POLQ: variants seen among roughly 807,000 people sequenced by gnomAD.
The protein encoded by POLQ is epididymis secretory sperm binding protein.
POLQ carries 233 observed loss-of-function variants against 259.2 expected under a neutral mutation model. The ratio of observed to expected loss-of-function variants is 0.90; its 90% confidence interval spans 0.81 to 1.00. The LOEUF is 1.00. Ranked by LOEUF, POLQ falls within the 50% of genes least tolerant of loss-of-function variation. The probability of loss-of-function intolerance (pLI) is 0.00; values close to 1 mark genes in which losing one functional copy is unlikely to be tolerated. For synonymous variants in POLQ, 1,025 were observed against 1,048.8 expected (o/e 0.98, Z 0.44); for missense variants, 2,871 against 3,051.6 (o/e 0.94, Z 1.39).
chr3:121,512,385 T>C (rs748367703), intron 9 of POLQ, among the ~76,000 whole-genome samples: 4 of 152,216 alleles, frequency 2.6e-5, no homozygotes, highest in Non-Finnish European at 5.9e-5. Flanking sequence ...CCCTTATCAC[T>C]GGAGACAGGT....
At chr3:121,462,030 G>C (rs113537300) in intron 24 of POLQ, among the ~76,000 whole-genome samples, 2,234 of 152,142 alleles carry the variant, frequency 0.015, 50 homozygotes, top group African/African-American at 0.05. Flanking sequence ...CAAAACTTTT[G>C]AGCACCAACG....
In POLQ at chr3:121,468,408, T is replaced by G. The variant is rs190566134; in HGVS notation, c.6742A>C (p.Asn2248His). 1 of 1,611,218 alleles carries G rather than the reference T, an allele frequency of 6.2e-7. No homozygotes were observed. Among genetic ancestry groups the G allele is most frequent in the East Asian group, 2.2e-5 (1 of 44,818 alleles). The change falls in exon 23 of 30, where the codon AAT becomes CAT. Residue 2248 changes from asparagine to histidine, a missense_variant. Coordinates refer to ENST00000264233, the MANE Select transcript of POLQ (RefSeq NM_199420.4). Reference protein sequence around the residue: ...ATGRITFTEPNIQNVPRDFEI... With the variant: ...ATGRITFTEPHIQNVPRDFEI... ...AAATCTCTTGGCACATTCTGAATAT[T>G]TGGTTCTGTAAAGGTTATTCGTCCT...
At chr3:121,436,493 A>G (rs1408458739) in intron 27 of POLQ, among the ~76,000 whole-genome samples, 1 of 152,202 alleles carries the variant, frequency 6.6e-6, no homozygotes, top group Non-Finnish European at 1.5e-5. Context: ...GCAGACAAAA[A>G]TAAGGTCAGA....
intron 14 of POLQ, chr3:121,494,623 C>G: frequency 1.3e-6 from 2 of 1,509,826 alleles, no homozygotes; most frequent in Non-Finnish European, 1.8e-6. Context: ...TCTTGCCTGC[C>G]CTGTGTCGTA....
intron 27 of POLQ, 31 bp downstream of exon 27, chr3:121,439,961 A>C (rs1465273229): frequency 2.9e-5 from 46 of 1,582,572 alleles, no homozygotes; most frequent in Middle Eastern, 1.7e-4. Context: ...TTGAAATGTT[A>C]AGTTAAAATT....
intron 25 of POLQ, among the ~76,000 whole-genome samples, chr3:121,450,894 G>A (rs888264866): frequency 6.6e-6 from 1 of 152,120 alleles, no homozygotes; most frequent in Non-Finnish European, 1.5e-5. Context: ...TTTCCAACTT[G>A]GTTCCATTCT....
In POLQ at chr3:121,529,652, T is replaced by C; in HGVS notation, c.1101A>G (p.Gln367=). The C allele has an allele frequency of 1.2e-6, 2 of 1,613,354 alleles. No individual in the cohort carries two copies. The highest frequency in any genetic ancestry group is 8.5e-7 in the Non-Finnish European group (1 of 1,179,730). The change falls in exon 7 of 30, where the codon CAA becomes CAG. Residue 367 remains glutamine (Q), a synonymous_variant. Coordinates refer to ENST00000264233, the MANE Select transcript of POLQ (RefSeq NM_199420.4). ...IAREFYNLHH[Q]AEGLVKPSEC... is the part of the protein sequence containing the mutation. ...TTTCCATCCATAACTCACCCTCAGC[T>C]TGATGATGTAGATTATAAAACTCTC...
chr3:121,520,137 G>A (rs779816827), intron 8 of POLQ, 54 bp from the exon 9 acceptor site: 22 of 977,906 alleles, frequency 2.2e-5, no homozygotes, highest in South Asian at 5.6e-5. Context: ...AATATTATAC[G>A]TGTTCACTTA....
At chr3:121,434,505 G>A (rs2047527214) in intron 28 of POLQ, among the ~76,000 whole-genome samples, 1 of 152,132 alleles carries the variant, frequency 6.6e-6, no homozygotes, top group South Asian at 2.1e-4. Flanking sequence ...CTCCCCAAAT[G>A]AGTTTAATTA....
At position 121,432,993 on chromosome 3, in the gene POLQ, TG is replaced by T. The variant is rs757041770; in HGVS notation, c.7583del (p.Pro2528GlnfsTer27). On this transcript the variant is annotated frameshift_variant, in exon 29 of 30. Coordinates refer to ENST00000264233, the MANE Select transcript of POLQ (RefSeq NM_199420.4). LOFTEE classifies it high-confidence loss of function. ...RKRKLQGMFC[P>X]IRGGFFILQL... ...GAAGGATGAAGAAGCCTCCTCTGAT[TG>T]GGCAGAACATCCCTTGCAGTTTTCT... 4 of 1,612,496 alleles carry T rather than the reference TG, an allele frequency of 2.5e-6. No homozygotes were observed. Among genetic ancestry groups the T allele is most frequent in the Admixed American group, 1.7e-5 (1 of 59,996 alleles).
chr3:121,488,259 A>G lies in POLQ; in HGVS notation c.4672T>C (p.Phe1558Leu), dbSNP rs755875154. The G allele has an allele frequency of 6.2e-7, 1 of 1,612,760 alleles. No homozygotes were observed. Among genetic ancestry groups the G allele is most frequent in the Non-Finnish European group, 8.5e-7 (1 of 1,179,312 alleles). The part of the protein sequence containing the change: ...LTCSNDESII[F>L]SEMDSVQMVE... ...ATCTGAACAGAATCCATTTCTGAAA[A>G]TATAATAGATTCATCATTGGAACAA... Residue 1558 changes from phenylalanine to leucine, a missense_variant, in exon 16 of 30, where the codon TTT becomes CTT. Phe to Leu is a conservative substitution (Grantham distance 22). Coordinates refer to ENST00000264233, the MANE Select transcript of POLQ (RefSeq NM_199420.4).
chr3:121,502,988 T>C (rs946016015), intron 12 of POLQ, among the ~76,000 whole-genome samples: 4 of 152,168 alleles, frequency 2.6e-5, no homozygotes, highest in African/African-American at 9.6e-5. Flanking sequence ...AATTAAAATG[T>C]TATAGTGTTT....
intron 9 of POLQ, among the ~76,000 whole-genome samples, chr3:121,516,915 A>G (rs1358168116): frequency 1.3e-5 from 2 of 152,214 alleles, no homozygotes; most frequent in African/African-American, 4.8e-5. Context: ...GGAAGTCTTT[A>G]AGACCTCAGA....
chr3:121,456,487 T>C (rs192821910), intron 25 of POLQ, among the ~76,000 whole-genome samples: 21 of 152,302 alleles, frequency 1.4e-4, no homozygotes, highest in East Asian at 1.2e-3. Flanking sequence ...GAAAACCCCA[T>C]TGTCTCAGCC....
chr3:121,516,469 C>T (rs1237224041), intron 9 of POLQ, among the ~76,000 whole-genome samples: 3 of 152,104 alleles, frequency 2.0e-5, no homozygotes, highest in Non-Finnish European at 2.9e-5. Flanking sequence ...CTGCCCTTTT[C>T]CTGAATGGGC....
Position 121,432,939 on chromosome 3 carries a change from C to A in POLQ, c.7638G>T (p.Val2546=), listed in dbSNP as rs776873635. ...ATACCTGAACAACATCTTCTTCTGC[C>A]ACTTCATATAGGAGTTCATCATGGA... ...LQLHDELLYE[V]AEEDVVQVAQ... The change falls in exon 29 of 30, where the codon GTG becomes GTT. Residue 2546 remains valine (V), a synonymous_variant. Coordinates refer to ENST00000264233, the MANE Select transcript of POLQ (RefSeq NM_199420.4). 2.5e-6 allele frequency: 4 copies of A among 1,596,008 alleles called. No homozygotes were observed. In the African/African-American group the frequency reaches 5.4e-5, roughly 21 times the overall value.
At position 121,522,006 on chromosome 3, in the gene POLQ, C is replaced by A; in HGVS notation, c.1252G>T (p.Ala418Ser). 1 of 1,564,910 alleles carries A rather than the reference C, an allele frequency of 6.4e-7. No homozygotes were observed. Among genetic ancestry groups the A allele is most frequent in the Non-Finnish European group, 8.6e-7 (1 of 1,161,048 alleles). Residue 418 changes from alanine (A) to serine (S), a missense_variant, in exon 8 of 30, where the codon GCA (alanine) becomes TCA (serine). Ala to Ser is a moderately conservative substitution (Grantham distance 99). Transcript: ENST00000264233. ...TVPWGVAFHH[A>S]GLTFEERDII... The stretch of plus-strand genomic sequence containing the variant: ...TAACATTATAAATATGAAATACCTG[C>A]ATGATGAAATGCTACTCCCCATGGT...
chr3:121,493,948 T>C (rs1367821290), intron 14 of POLQ, among the ~76,000 whole-genome samples: 1 of 152,182 alleles, frequency 6.6e-6, no homozygotes, highest in African/African-American at 2.4e-5. Context: ...TCATCTTATT[T>C]ATTCTTAATC....
chr3:121,489,967 T>G lies in POLQ; in HGVS notation c.2964A>C (p.Ala988=), dbSNP rs778067789. ...QEHQTCSIFR[A]RKRASLDINK... ...TTATATCTAAAGAGGCCCGTTTTCT[T>G]GCTCTGAAAATGGAACATGTCTGAT... Residue 988 remains alanine (A), a synonymous_variant, in exon 16 of 30, where the codon GCA becomes GCC. Transcript: ENST00000264233. 3 of 1,581,144 alleles carry G rather than the reference T, an allele frequency of 1.9e-6. No individual in the cohort carries two copies. Among genetic ancestry groups the G allele is most frequent in the Middle Eastern group, 1.7e-4 (1 of 5,888 alleles).
Sources: gnomAD v4.1 joint callset for allele counts (sites outside exome capture counted in the v4.1 genomes callset) on GRCh38, gnomAD v4.1.1 for gene constraint, MANE v1.5 for transcripts, NCBI Gene and HGNC (gene_info 2026-07-23, HGNC 2026-07-21) for gene names.